HDLBP: variants seen among roughly 807,000 people sequenced by gnomAD.
The protein encoded by HDLBP is vigilin.
In HDLBP, 30 loss-of-function variants were observed where a neutral mutation model predicts 137.3. The observed-to-expected ratio is 0.22, with a 90% CI of 0.16 to 0.30. The LOEUF (loss-of-function observed/expected upper bound fraction) is 0.30, where lower values mean the gene tolerates loss of function less well. HDLBP is among the 10% of genes least tolerant of loss of function. The pLI is 1.00. For synonymous variants in HDLBP, 606 were observed against 596.0 expected, an observed-to-expected ratio of 1.02 and a Z score of -0.24; for missense variants, 1,119 against 1,667.3, an observed-to-expected ratio of 0.67 and a Z score of 5.73.
Position 241,230,997 on chromosome 2 carries a change from CA to C in HDLBP, c.3289-54del. 2.0e-6 allele frequency: 3 copies of C among 1,525,022 alleles called. No homozygotes were observed. The Admixed American group carries it at 5.1e-5, about 26-fold the overall frequency. The allele number at this position is 1,525,022 out of a possible 1,614,324, so 94.5% of individuals were successfully genotyped here. A position where few individuals can be genotyped will look rare whatever the true frequency, so the allele number is the denominator to read the frequency against. Reference sequence around the variant, plus strand: ...GGGGATGCCTTACTGGGATTCCCGTCAGGGGCAAGAGCCGGCCCCCACTGCT... The same window carrying C: ...GGGGATGCCTTACTGGGATTCCCGTCGGGGCAAGAGCCGGCCCCCACTGCT... On this transcript the variant is annotated intron_variant, in intron 24 of 27. Coordinates refer to ENST00000310931, the MANE Select transcript of HDLBP (RefSeq NM_005336.6). The surrounding 1 kb of genome is among the most constrained non-coding windows in gnomAD (Gnocchi z 5.0).
At position 241,233,272 on chromosome 2, in the gene HDLBP, C is replaced by G. The variant is rs2070002360; in HGVS notation, c.3288+548G>C. On this transcript the variant is annotated intron_variant, in intron 24 of 27. Coordinates refer to ENST00000310931, the MANE Select transcript of HDLBP (RefSeq NM_005336.6). This position sits in a 1 kb window ranked among gnomAD's most constrained non-coding sequence, Gnocchi z 4.3. Reference sequence around the variant, plus strand: ...GCCCTGCATGCCAGGTGGCAGGGCCCAGAGAGGGGATGGGGCTGCCTTTCA... The same window carrying G: ...GCCCTGCATGCCAGGTGGCAGGGCCGAGAGAGGGGATGGGGCTGCCTTTCA... Among the ~76,000 whole-genome samples, 1 of 152,060 alleles carries G rather than the reference C, an allele frequency of 6.6e-6. No homozygotes were observed. Among genetic ancestry groups the G allele is most frequent in the African/African-American group, 2.4e-5 (1 of 41,396 alleles).
At chr2:241,273,168 A>C in intron 1 of HDLBP, 1 of 985,484 alleles carries the variant, frequency 1.0e-6, no homozygotes, top group Non-Finnish European at 1.2e-6. Flanking sequence ...AAATCAGAAG[A>C]AAAACCTCAA....
intron 1 of HDLBP, among the ~76,000 whole-genome samples, chr2:241,287,641 T>A (rs1022674760): frequency 6.6e-6 from 1 of 152,088 alleles, no homozygotes; most frequent in Non-Finnish European, 1.5e-5. Context: ...CAGGTTGGTG[T>A]TGAACTCCTG....
At chr2:241,231,003 C>A (rs960987203) in intron 24 of HDLBP, 59 bp from the exon 25 acceptor site, 24 of 1,478,250 alleles carry the variant, frequency 1.6e-5, no homozygotes, top group Non-Finnish European at 2.1e-5. Flanking sequence ...CCGTCAGGGG[C>A]AAGAGCCGGC....
At chr2:241,307,724 C>T (rs1454293730) in intron 1 of HDLBP, among the ~76,000 whole-genome samples, 1 of 152,180 alleles carries the variant, frequency 6.6e-6, no homozygotes, top group Non-Finnish European at 1.5e-5. Flanking sequence ...TGCATTCTTT[C>T]ACCATCTGCT....
intron 1 of HDLBP, among the ~76,000 whole-genome samples, chr2:241,291,732 G>A (rs921584992): frequency 6.6e-6 from 1 of 152,306 alleles, no homozygotes; most frequent in Admixed American, 6.5e-5. Flanking sequence ...TTCTGGATTT[G>A]GATATGTTAC....
At chr2:241,301,209 G>A (rs567893334) in intron 1 of HDLBP, among the ~76,000 whole-genome samples, 3 of 149,904 alleles carry the variant, frequency 2.0e-5, no homozygotes, top group East Asian at 3.9e-4. Context: ...GGATGGTCTC[G>A]ATCTCCTGAC....
At chr2:241,232,973 G>T (rs894103725) in intron 24 of HDLBP, among the ~76,000 whole-genome samples, 8 of 149,786 alleles carry the variant, frequency 5.3e-5, no homozygotes, top group Admixed American at 1.3e-4. Flanking sequence ...GGAACAAGAA[G>T]CTGGGGAGGA....
chr2:241,249,784 G>A (rs939360518), intron 12 of HDLBP, 57 bp downstream of exon 12: 10 of 1,512,584 alleles, frequency 6.6e-6, no homozygotes, highest in Admixed American at 4.2e-5. Flanking sequence ...ACTCCTTAGA[G>A]GGGGCCAAGA....
At chr2:241,245,384 G>A (rs1243285119) in intron 16 of HDLBP, among the ~76,000 whole-genome samples, 1 of 152,074 alleles carries the variant, frequency 6.6e-6, no homozygotes, top group Non-Finnish European at 1.5e-5. Flanking sequence ...ACGGGGTTTT[G>A]CCCAGGCTGG....
In HDLBP at chr2:241,246,926, C is replaced by T. The variant is rs752255200; in HGVS notation, c.1819-43G>A. On this transcript the variant is annotated intron_variant, in intron 15 of 27. Transcript: ENST00000310931. ...ACCATGAGAAGCTGACTAGAGCTCTCCCAGAGTTGAGACACAGTTGAGCAC... is the reference window on the plus strand; with the variant it reads ...ACCATGAGAAGCTGACTAGAGCTCTTCCAGAGTTGAGACACAGTTGAGCAC... 3.1e-6 allele frequency: 5 copies of T among 1,611,666 alleles called. No individual in the cohort carries two copies. In the Admixed American group the frequency reaches 8.3e-5, roughly 27 times the overall value.
intron 1 of HDLBP, chr2:241,271,167 A>G (rs1360848315): frequency 9.2e-6 from 9 of 980,050 alleles, no homozygotes; most frequent in African/African-American, 1.8e-5. Context: ...TCCCTCCCAT[A>G]TGGCCCCAGT....
chr2:241,264,870 C>A (rs1417779457), intron 3 of HDLBP, among the ~76,000 whole-genome samples: 1 of 152,146 alleles, frequency 6.6e-6, no homozygotes, highest in East Asian at 1.9e-4. Context: ...ACATGGCCTC[C>A]TTGGTAAACA....
At position 241,267,718 on chromosome 2, in the gene HDLBP, A is replaced by G. The variant is rs989627562; in HGVS notation, c.-38+759T>C. ...TGGTTATAAGTGGTAGCTGCGTGACAGGAAAAAGCAGCCTCAGTGCTTTGT... is the reference window on the plus strand; with the variant it reads ...TGGTTATAAGTGGTAGCTGCGTGACGGGAAAAAGCAGCCTCAGTGCTTTGT... On this transcript the variant is annotated intron_variant, in intron 2 of 27. Transcript: ENST00000310931. The G allele has an allele frequency of 5.2e-6, 8 of 1,534,634 alleles. No individual in the cohort carries two copies. In the Admixed American group the frequency reaches 1.2e-4, roughly 23 times the overall value.
intron 21 of HDLBP, chr2:241,236,339 G>A (rs905666532): frequency 4.1e-6 from 2 of 488,552 alleles, no homozygotes; most frequent in Admixed American, 3.5e-5. Flanking sequence ...CCCTTCCACA[G>A]CCCCCGCACC....
chr2:241,247,811 C>G (rs745970836), intron 14 of HDLBP, among the ~76,000 whole-genome samples, 192 bp downstream of exon 14: 1 of 152,130 alleles, frequency 6.6e-6, no homozygotes, highest in Non-Finnish European at 1.5e-5. Context: ...CAATGACTGC[C>G]AATCTAAACA....
At chr2:241,229,791 C>T in intron 27 of HDLBP, 42 bp downstream of exon 27, 2 of 1,553,440 alleles carry the variant, frequency 1.3e-6, no homozygotes, top group Non-Finnish European at 8.7e-7. Context: ...CCTGCCCGCC[C>T]ACCCTCCCTG....
intron 9 of HDLBP, among the ~76,000 whole-genome samples, chr2:241,254,553 C>T (rs112371321): frequency 0.023 from 3,413 of 150,948 alleles, 76 homozygotes; most frequent in African/African-American, 0.056. Flanking sequence ...GGTGCCATCT[C>T]GGCTCACTGC....
intron 16 of HDLBP, among the ~76,000 whole-genome samples, chr2:241,243,065 T>G (rs1479030728): frequency 6.6e-6 from 1 of 152,104 alleles, no homozygotes; most frequent in Non-Finnish European, 1.5e-5. Flanking sequence ...ATACATAAAC[T>G]TTTCCTATTA....
Sources: allele counts gnomAD v4.1 joint callset (sites outside exome capture counted in the v4.1 genomes callset), GRCh38; gene constraint gnomAD v4.1.1; non-coding constraint Gnocchi (gnomAD v3.1); transcripts MANE v1.5; gene names NCBI Gene and HGNC (gene_info 2026-07-23, HGNC 2026-07-21).